The following METTL15 variants were observed in gnomAD, a reference collection of about 807,000 sequenced individuals.
METTL15 encodes the protein 12S rRNA N(4)-cytidine methyltransferase METTL15.
In METTL15, 34 loss-of-function variants were observed where a neutral mutation model predicts 38.3. The observed-to-expected ratio is 0.89, with a 90% confidence interval of 0.68 to 1.18. METTL15 has a LOEUF of 1.18. Among genes scored for constraint, METTL15 ranks in the 50% most tolerant of loss-of-function variants. The pLI is 0.00. For synonymous variants in METTL15, 162 were observed against 170.9 expected (o/e 0.95, Z 0.41); for missense variants, 438 against 498.4 (o/e 0.88, Z 1.15).
intron 3 of METTL15, among the ~76,000 whole-genome samples, chr11:28,129,292 A>G (rs1374359429): frequency 1.3e-5 from 2 of 152,204 alleles, no homozygotes; most frequent in African/African-American, 2.4e-5. Flanking sequence ...TTAACATTTT[A>G]TATAGTGATT....
intron 5 of METTL15, among the ~76,000 whole-genome samples, chr11:28,382,932 C>G (rs1850403937): frequency 6.8e-6 from 1 of 147,758 alleles, no homozygotes; most frequent in South Asian, 2.1e-4. Flanking sequence ...CATTTGAATT[C>G]TGGGATATTG....
intron 6 of METTL15, among the ~76,000 whole-genome samples, chr11:28,318,588 A>T (rs1849351304): frequency 6.6e-6 from 1 of 152,224 alleles, no homozygotes; most frequent in African/African-American, 2.4e-5. Flanking sequence ...TTCTCTATCA[A>T]CATTTCTTAA....
chr11:28,354,113 G>A (rs1360595138), intron 4 of METTL15, among the ~76,000 whole-genome samples: 1 of 152,172 alleles, frequency 6.6e-6, no homozygotes, highest in African/African-American at 2.4e-5. Context: ...CAGGAGCTGA[G>A]AGGGAAATAA....
At chr11:28,522,921 T>C (rs1481455937) in intron 6 of METTL15, among the ~76,000 whole-genome samples, 1 of 152,236 alleles carries the variant, frequency 6.6e-6, no homozygotes, top group Non-Finnish European at 1.5e-5. Context: ...TTTATTCATT[T>C]ATTTAAAACA....
chr11:28,347,564 A>C (rs571552627), intron 3 of METTL15, among the ~76,000 whole-genome samples: 1 of 152,236 alleles, frequency 6.6e-6, no homozygotes, highest in East Asian at 1.9e-4. Context: ...ATCAACGCTA[A>C]TGTCTTTTCC....
intron 6 of METTL15, among the ~76,000 whole-genome samples, chr11:28,469,977 T>C (rs1308064509): frequency 6.6e-6 from 1 of 152,050 alleles, no homozygotes; most frequent in African/African-American, 2.4e-5. Context: ...AACTTACCTG[T>C]TAAACTCTAT....
chr11:28,188,729 G>A (rs1164077940), intron 3 of METTL15, among the ~76,000 whole-genome samples: 1 of 151,050 alleles, frequency 6.6e-6, no homozygotes, highest in Admixed American at 6.6e-5. Flanking sequence ...ATACCTTTTG[G>A]AACGTCTTTG....
In METTL15 at chr11:28,313,622, CTT is replaced by C. The variant is rs1857381415; in HGVS notation, c.778+16693_778+16694del. Among the ~76,000 whole-genome samples, 4 of 151,310 alleles carry C rather than the reference CTT, an allele frequency of 2.6e-5. No homozygotes were observed. The South Asian group carries it at 8.4e-4, about 32-fold the overall frequency. ...ATGCTATCGCATGTTAATTTTATCT[CTT>C]TATTTATTCTCACATTTGTTGTGTT... On this transcript the variant is annotated intron_variant, in intron 6 of 6. Transcript: ENST00000407364.
chr11:28,179,641 A>C (rs1214036992), intron 3 of METTL15, among the ~76,000 whole-genome samples: 1 of 151,818 alleles, frequency 6.6e-6, no homozygotes, highest in African/African-American at 2.4e-5. Flanking sequence ...TTATATGGCT[A>C]TACAGCAATT....
At chr11:28,387,671 G>A (rs879469424) in intron 5 of METTL15, among the ~76,000 whole-genome samples, 3 of 151,964 alleles carry the variant, frequency 2.0e-5, no homozygotes, top group Admixed American at 1.3e-4. Context: ...TGAAGAGGAA[G>A]GAATGCTTTC....
At chr11:28,255,226 T>C (rs1854922624) in intron 4 of METTL15, among the ~76,000 whole-genome samples, 1 of 152,176 alleles carries the variant, frequency 6.6e-6, no homozygotes. Flanking sequence ...TTTATAGCTG[T>C]TATAAATTGG....
intron 6 of METTL15, among the ~76,000 whole-genome samples, chr11:28,514,856 G>T: frequency 6.6e-6 from 1 of 152,188 alleles, no homozygotes; most frequent in East Asian, 1.9e-4. Context: ...GAACATTAAT[G>T]CAAAACAAGG....
At chr11:28,129,354 A>G (rs1852648136) in intron 3 of METTL15, among the ~76,000 whole-genome samples, 8 of 152,242 alleles carry the variant, frequency 5.3e-5, no homozygotes. Flanking sequence ...TGGTGTTTGT[A>G]CTTTTTCTTA....
intron 3 of METTL15, among the ~76,000 whole-genome samples, chr11:28,126,369 C>T (rs1852486936): frequency 6.6e-6 from 1 of 152,146 alleles, no homozygotes; most frequent in South Asian, 2.1e-4. Flanking sequence ...CCCCCAACTC[C>T]CTTCTCTACC....
At chr11:28,311,708 C>A (rs1565245347) in intron 6 of METTL15, among the ~76,000 whole-genome samples, 2 of 152,182 alleles carry the variant, frequency 1.3e-5, no homozygotes, top group African/African-American at 4.8e-5. Context: ...GTAATAGCTA[C>A]CTCAAATGAT....
intron 4 of METTL15, among the ~76,000 whole-genome samples, chr11:28,238,885 T>G (rs1049603169): frequency 1.3e-5 from 2 of 152,190 alleles, no homozygotes; most frequent in Non-Finnish European, 2.9e-5. Flanking sequence ...TGATTTTTCT[T>G]AGATAAACAC....
chr11:28,439,857 G>T lies in METTL15; in HGVS notation c.*424+15493G>T, dbSNP rs190919813. ...TCTGGAAACTTGCCACATGTTAGCA[G>T]AGCATGTAGGTTCATTGCTCACCTG... is the stretch of plus-strand genomic sequence containing the variant. On this transcript the variant is annotated intron_variant and NMD_transcript_variant, in intron 6 of 7. Coordinates refer to the METTL15 transcript ENST00000532947. Among the ~76,000 whole-genome samples the T allele has an allele frequency of 8.5e-5, 13 of 152,344 alleles. No homozygotes were observed. The East Asian group carries it at 2.5e-3, about 29-fold the overall frequency.
chr11:28,181,646 C>G (rs1300475656), intron 3 of METTL15, among the ~76,000 whole-genome samples: 2 of 152,072 alleles, frequency 1.3e-5, no homozygotes, highest in Admixed American at 6.6e-5. Context: ...TTTTCTTTAT[C>G]CAGTCTATCA....
At chr11:28,522,621 G>A (rs1165475836) in intron 6 of METTL15, among the ~76,000 whole-genome samples, 7 of 152,112 alleles carry the variant, frequency 4.6e-5, no homozygotes, top group Non-Finnish European at 1.0e-4. Flanking sequence ...GGACACTATG[G>A]CCCAATCAAG....
Sources: allele counts gnomAD v4.1 joint callset (sites outside exome capture counted in the v4.1 genomes callset), GRCh38; gene constraint gnomAD v4.1.1; transcripts MANE v1.5; gene names NCBI Gene and HGNC (gene_info 2026-07-23, HGNC 2026-07-21).